The following KANK1 variants were observed in gnomAD, a reference collection of about 807,000 sequenced individuals.
KANK1 encodes KN motif and ankyrin repeat domain-containing protein 1.
In KANK1, 109 loss-of-function variants were observed where a neutral mutation model predicts 106.2. That is an observed-to-expected ratio of 1.03 (90% CI 0.88 to 1.20). KANK1 has a LOEUF of 1.20. Among genes scored for constraint, KANK1 ranks in the 50% most tolerant of loss-of-function variants. The pLI is 0.00. For missense variants in KANK1, 2,399 were observed against 1,710.7 expected (o/e 1.40, Z -7.10); for synonymous variants, 873 against 652.2 (o/e 1.34, Z -5.16).
intron 2 of KANK1, chr9:470,697 C>A (rs761132094): frequency 2.6e-5 from 4 of 152,244 alleles, no homozygotes; most frequent in African/African-American, 9.7e-5. Flanking sequence ...GAAAGAGGCC[C>A]CACCCTCCAT....
chr9:601,514 T>C (rs767538377), intron 1 of KANK1, among the ~76,000 whole-genome samples: 1 of 151,884 alleles, frequency 6.6e-6, no homozygotes, highest in Non-Finnish European at 1.5e-5. Context: ...AGTTATGCTT[T>C]TTTTTGTTTT....
At chr9:531,685 C>T (rs754725868) in intron 1 of KANK1, among the ~76,000 whole-genome samples, 9 of 152,160 alleles carry the variant, frequency 5.9e-5, no homozygotes, top group Admixed American at 1.3e-4. Context: ...GCCTTTCTTT[C>T]TGTGAAAAAA....
In KANK1 at chr9:744,542, G is replaced by A. The variant is rs535542451; in HGVS notation, c.3949G>A (p.Ala1317Thr). ...IALEAGHKDI[A>T]VLLYAHVNFA... The stretch of plus-strand genomic sequence containing the variant: ...CCTGGAAGCAGGACACAAGGACATC[G>A]CTGTTCTTCTGTATGCCCATGTCAA... The change falls in exon 11 of 12, where the codon GCT becomes ACT. Residue 1317 changes from alanine to threonine, a missense_variant. By Grantham distance (58) the Ala-to-Thr change is moderately conservative (BLOSUM62 0). Transcript: ENST00000382297. The A allele has an allele frequency of 1.5e-5, 24 of 1,614,024 alleles. No individual in the cohort carries two copies. The highest frequency in any genetic ancestry group is 2.2e-5 in the South Asian group (2 of 91,080).
At chr9:680,763 C>T (rs9408671) in intron 2 of KANK1, 27,324 of 152,076 alleles carry the variant, frequency 0.18, 2,792 homozygotes, top group East Asian at 0.31. Flanking sequence ...GCTCCACTTT[C>T]GTGCGCGGCC....
intron 1 of KANK1, among the ~76,000 whole-genome samples, chr9:624,837 A>G (rs1422820485): frequency 2.0e-5 from 3 of 152,026 alleles, no homozygotes; most frequent in Non-Finnish European, 2.9e-5. Flanking sequence ...TAAAAACGCA[A>G]TGAAAAAAAT....
intron 1 of KANK1, among the ~76,000 whole-genome samples, chr9:560,027 C>A (rs1056084333): frequency 6.6e-6 from 1 of 152,158 alleles, no homozygotes; most frequent in Admixed American, 6.5e-5. Flanking sequence ...CTATTGTAGA[C>A]CCTAGTTCAG....
chr9:585,072 C>A (rs1493996), intron 1 of KANK1, among the ~76,000 whole-genome samples: 5,385 of 152,324 alleles, frequency 0.035, 138 homozygotes, highest in Admixed American at 0.053. Flanking sequence ...ACTCAACTCT[C>A]TTTGGGCTTG....
intron 3 of KANK1, among the ~76,000 whole-genome samples, chr9:725,887 A>G (rs1205759517): frequency 1.3e-5 from 2 of 152,200 alleles, no homozygotes; most frequent in Admixed American, 6.5e-5. Context: ...AAAGGGATAA[A>G]GTTGTGATCA....
intron 9 of KANK1, 109 bp downstream of exon 9, chr9:741,043 C>T (rs901913692): frequency 2.5e-6 from 3 of 1,221,326 alleles, no homozygotes; most frequent in Non-Finnish European, 2.3e-6. Context: ...CACCACAGTG[C>T]ACTTGTTTGC....
chr9:664,178 TC>T (rs1260793933), intron 1 of KANK1, among the ~76,000 whole-genome samples: 9 of 152,306 alleles, frequency 5.9e-5, no homozygotes, highest in African/African-American at 1.9e-4. Flanking sequence ...TCTTATTTCT[TC>T]TAAGTGTATT....
chr9:597,948 A>C (rs1826639832), intron 1 of KANK1, among the ~76,000 whole-genome samples: 1 of 151,764 alleles, frequency 6.6e-6, no homozygotes, highest in Non-Finnish European at 1.5e-5. Flanking sequence ...TACAGGTGTG[A>C]GCCACCACCC....
At chr9:683,765 CTTTA>C (rs1281990510) in intron 2 of KANK1, among the ~76,000 whole-genome samples, 1 of 152,012 alleles carries the variant, frequency 6.6e-6, no homozygotes, top group Non-Finnish European at 1.5e-5. Flanking sequence ...ATTGTTATTC[CTTTA>C]TTTATTGCAT....
chr9:592,870 G>A (rs1563824372), intron 1 of KANK1, among the ~76,000 whole-genome samples: 1 of 151,614 alleles, frequency 6.6e-6, no homozygotes, highest in South Asian at 2.1e-4. Flanking sequence ...TTCTCTCCTT[G>A]GGTAGTCCTT....
At position 607,029 on chromosome 9, in the gene KANK1, G is replaced by T. The variant is rs1487107398; in HGVS notation, c.-83-69861G>T. Reference sequence around the variant, plus strand: ...ACGGAAAACTGTGGGACTGGGACTTGAATTCTAATTTTATGTTTTCTTGGG... The same window carrying T: ...ACGGAAAACTGTGGGACTGGGACTTTAATTCTAATTTTATGTTTTCTTGGG... On this transcript the variant is annotated intron_variant, in intron 1 of 11. Transcript: ENST00000382297. Among the ~76,000 whole-genome samples, 4 of 151,850 alleles carry T rather than the reference G, an allele frequency of 2.6e-5. No individual in the cohort carries two copies. The East Asian group carries it at 7.7e-4, about 29-fold the overall frequency.
At chr9:534,282 A>G (rs2060196858) in intron 1 of KANK1, among the ~76,000 whole-genome samples, 1 of 152,236 alleles carries the variant, frequency 6.6e-6, no homozygotes, top group African/African-American at 2.4e-5. Flanking sequence ...TTGTTAGAAG[A>G]ACTTTTGAAA....
At chr9:649,522 C>G (rs1377304635) in intron 1 of KANK1, among the ~76,000 whole-genome samples, 1 of 152,170 alleles carries the variant, frequency 6.6e-6, no homozygotes, top group Non-Finnish European at 1.5e-5. Context: ...TGGAATGCAG[C>G]TTACAGATGT....
intron 7 of KANK1, among the ~76,000 whole-genome samples, chr9:735,055 T>C (rs1833405068): frequency 6.6e-6 from 1 of 152,212 alleles, no homozygotes; most frequent in Non-Finnish European, 1.5e-5. Flanking sequence ...TTACCCACCC[T>C]GGACTTTTCC....
chr9:700,155 A>T (rs1443924012), intron 2 of KANK1, among the ~76,000 whole-genome samples: 4 of 152,224 alleles, frequency 2.6e-5, no homozygotes, highest in African/African-American at 9.6e-5. Context: ...AACGGGTTTT[A>T]TCTGGGAGGG....
intron 2 of KANK1, among the ~76,000 whole-genome samples, chr9:690,053 T>TG (rs1819496083): frequency 4.7e-5 from 7 of 149,502 alleles, no homozygotes; most frequent in Non-Finnish European, 1.0e-4. Context: ...TTTGGGAGGC[T>TG]GAGGTGGGTG....
Sources: gnomAD v4.1 joint callset for allele counts (sites outside exome capture counted in the v4.1 genomes callset) on GRCh38, gnomAD v4.1.1 for gene constraint, MANE v1.5 for transcripts, NCBI Gene and HGNC (gene_info 2026-07-23, HGNC 2026-07-21) for gene names.